The following FGF12 variants were observed in gnomAD, a reference collection of about 807,000 sequenced individuals.
FGF12 encodes the protein fibroblast growth factor 12, also known as fibroblast growth factor 12B.
Under a neutral mutation model 23.6 loss-of-function variants are expected in FGF12, and 14 were observed. That is an observed-to-expected ratio of 0.59 (90% CI 0.39 to 0.93). The LOEUF (loss-of-function observed/expected upper bound fraction) is 0.93. Among genes scored for constraint, FGF12 ranks in the 40% least tolerant of loss-of-function variants. FGF12 has a pLI of 0.00. For missense variants in FGF12, 175 were observed against 217.8 expected, an observed-to-expected ratio of 0.80 and a Z score of 1.24; for synonymous variants, 62 against 77.3, an observed-to-expected ratio of 0.80 and a Z score of 1.04.
intron 2 of FGF12, among the ~76,000 whole-genome samples, chr3:192,456,237 A>G (rs1722677940): frequency 6.6e-6 from 1 of 152,266 alleles, no homozygotes; most frequent in East Asian, 1.9e-4. Context: ...AGACCTACAC[A>G]GTTATCAAAA....
intron 3 of FGF12, among the ~76,000 whole-genome samples, chr3:192,349,301 A>C (rs983224103): frequency 1.3e-5 from 2 of 152,038 alleles, no homozygotes; most frequent in Non-Finnish European, 2.9e-5. Flanking sequence ...GAGCAAATCA[A>C]CTCTCACTTC....
intron 2 of FGF12, among the ~76,000 whole-genome samples, chr3:192,592,075 G>A (rs1713649940): frequency 6.6e-6 from 1 of 151,708 alleles, no homozygotes; most frequent in South Asian, 2.1e-4. Context: ...ATCTCTATTA[G>A]GACAAGTAGC....
intron 2 of FGF12, among the ~76,000 whole-genome samples, chr3:192,561,988 C>T (rs1016147498): frequency 3.3e-5 from 5 of 151,052 alleles, no homozygotes; most frequent in Non-Finnish European, 7.4e-5. Context: ...TAGTAAAAAA[C>T]TGAAAATAAT....
At chr3:192,329,725 C>A (rs1002493308) in intron 4 of FGF12, among the ~76,000 whole-genome samples, 8 of 152,048 alleles carry the variant, frequency 5.3e-5, no homozygotes, top group Middle Eastern at 3.4e-3. Context: ...TTTTAAAACT[C>A]AAAAAGAATA....
At chr3:192,265,486 T>A (rs997977457) in intron 4 of FGF12, 3 of 152,202 alleles carry the variant, frequency 2.0e-5, no homozygotes, top group Non-Finnish European at 4.4e-5. Context: ...GTCAGCAAAG[T>A]ATGTCCTACA....
At chr3:192,209,916 T>C (rs552790474) in intron 4 of FGF12, among the ~76,000 whole-genome samples, 1 of 152,314 alleles carries the variant, frequency 6.6e-6, no homozygotes, top group East Asian at 1.9e-4. Context: ...TCACATGTTG[T>C]ATACCATTCA....
intron 2 of FGF12, among the ~76,000 whole-genome samples, chr3:192,579,821 C>G (rs1163890655): frequency 2.6e-5 from 4 of 152,206 alleles, no homozygotes; most frequent in African/African-American, 2.4e-5. Flanking sequence ...CCGATCATCT[C>G]GGCCTCCCCA....
At chr3:192,522,945 G>A (rs1171997990) in intron 2 of FGF12, among the ~76,000 whole-genome samples, 1 of 152,212 alleles carries the variant, frequency 6.6e-6, no homozygotes, top group Non-Finnish European at 1.5e-5. Flanking sequence ...GTCTGAGGGA[G>A]AAAGATTAGG....
chr3:192,614,700 T>C (rs185895752), intron 2 of FGF12, among the ~76,000 whole-genome samples: 210 of 152,090 alleles, frequency 1.4e-3, no homozygotes, highest in Non-Finnish European at 1.5e-3. Context: ...TATTTAGTAT[T>C]CTTTATGCTG....
chr3:192,473,479 G>A (rs549385041), intron 2 of FGF12, among the ~76,000 whole-genome samples: 1 of 152,104 alleles, frequency 6.6e-6, no homozygotes, highest in Non-Finnish European at 1.5e-5. Flanking sequence ...TATTTAGCTG[G>A]TTACACTCTA....
intron 4 of FGF12, among the ~76,000 whole-genome samples, chr3:192,260,153 T>C (rs935053249): frequency 2.6e-5 from 4 of 152,190 alleles, no homozygotes; most frequent in African/African-American, 7.2e-5. Flanking sequence ...TTCCTATGCC[T>C]AGCAAACTAG....
At chr3:192,447,209 CTGTT>C (rs1199976650) in intron 2 of FGF12, among the ~76,000 whole-genome samples, 1 of 152,138 alleles carries the variant, frequency 6.6e-6, no homozygotes, top group African/African-American at 2.4e-5. Context: ...TGCTTGAAAA[CTGTT>C]TAATGAATTA....
At chr3:192,642,248 T>C (rs1368664772) in intron 2 of FGF12, among the ~76,000 whole-genome samples, 2 of 152,190 alleles carry the variant, frequency 1.3e-5, no homozygotes, top group Non-Finnish European at 2.9e-5. Context: ...GAGGAGCCCA[T>C]GGAAATAATT....
At chr3:192,337,691 T>C (rs1015051792) in intron 3 of FGF12, among the ~76,000 whole-genome samples, 1 of 152,188 alleles carries the variant, frequency 6.6e-6, no homozygotes, top group Non-Finnish European at 1.5e-5. Flanking sequence ...ATGATAATGC[T>C]TATTGCACAG....
intron 2 of FGF12, among the ~76,000 whole-genome samples, chr3:192,365,233 T>C (rs780959393): frequency 6.8e-6 from 1 of 147,312 alleles, no homozygotes; most frequent in Non-Finnish European, 1.5e-5. Context: ...ACACCCACCA[T>C]GTACCCATAC....
intron 2 of FGF12, among the ~76,000 whole-genome samples, chr3:192,549,929 C>A (rs2108584651): frequency 6.6e-6 from 1 of 152,208 alleles, no homozygotes; most frequent in African/African-American, 2.4e-5. Context: ...TCTTAGGTCT[C>A]TAGTTTGCAG....
intron 2 of FGF12, among the ~76,000 whole-genome samples, chr3:192,444,836 T>G (rs1722303923): frequency 6.6e-6 from 1 of 152,254 alleles, no homozygotes. Context: ...CCTGAATTCA[T>G]GAATTCTCTA....
At position 192,470,403 on chromosome 3, in the gene FGF12, G is replaced by A. The variant is rs564182838; in HGVS notation, c.14-109865C>T. ...TGTTGTTGTTGTTGTTGTTGTAGTT[G>A]TTGAGACAGGTTCTCACTCTGTCTG... On this transcript the variant is annotated intron_variant, in intron 2 of 5. Coordinates refer to ENST00000445105, the MANE Select transcript of FGF12 (RefSeq NM_004113.6). Among the ~76,000 whole-genome samples the A allele has an allele frequency of 5.9e-5, 9 of 152,186 alleles. No individual in the cohort carries two copies. The East Asian group carries it at 1.7e-3, about 29-fold the overall frequency.
intron 4 of FGF12, among the ~76,000 whole-genome samples, chr3:192,239,637 T>C (rs2108593535): frequency 6.6e-6 from 1 of 152,318 alleles, no homozygotes; most frequent in Admixed American, 6.5e-5. Flanking sequence ...CATTAGATTC[T>C]CATAGGAGCA....
Sources: allele counts gnomAD v4.1 joint callset (sites outside exome capture counted in the v4.1 genomes callset), GRCh38; gene constraint gnomAD v4.1.1; transcripts MANE v1.5; gene names NCBI Gene and HGNC (gene_info 2026-07-23, HGNC 2026-07-21).